The following KIAA1217 variants were observed in gnomAD, a reference collection of about 807,000 sequenced individuals.
KIAA1217 encodes the protein KIAA1217.
Under a neutral mutation model 163.9 loss-of-function variants are expected in KIAA1217, and 88 were observed. That is an observed-to-expected ratio of 0.54 (90% CI 0.45 to 0.64). The LOEUF is 0.64. KIAA1217 is among the 30% of genes least tolerant of loss of function. The probability of loss-of-function intolerance (pLI) is 0.00; values close to 1 mark genes in which losing one functional copy is unlikely to be tolerated. For synonymous variants in KIAA1217, 903 were observed against 923.1 expected (o/e 0.98, Z 0.39); for missense variants, 2,372 against 2,475.0 (o/e 0.96, Z 0.88).
rs1490776691 is a variant in KIAA1217, at chr10:24,547,116, A to T, written c.*792A>T. 1 of 87,018 alleles carries T rather than the reference A, an allele frequency of 1.1e-5. No homozygotes were observed. Among genetic ancestry groups the T allele is most frequent in the Non-Finnish European group, 2.4e-5 (1 of 42,382 alleles). 5.4% of individuals were successfully genotyped at this position (87,018 alleles called of 1,614,324 possible). On this transcript the variant is annotated 3_prime_UTR_variant, in exon 21 of 21. Transcript: ENST00000376454. ...ATTCTCTAGTTGTTTTCTTTGGCGT[A>T]TCTAACCCCTTCTTTTGTTTTCTGA...
intron 2 of KIAA1217, among the ~76,000 whole-genome samples, chr10:24,106,642 G>A (rs7069430): frequency 0.99 from 150,151 of 152,236 alleles, 74,047 homozygotes; most frequent in Middle Eastern, 1. Context: ...GCTGAATGAC[G>A]TGCCAGGAAT....
intron 1 of KIAA1217, among the ~76,000 whole-genome samples, chr10:23,720,576 A>G (rs982469785): frequency 5.9e-5 from 9 of 152,136 alleles, no homozygotes; most frequent in Non-Finnish European, 1.3e-4. Flanking sequence ...GGGGACTGGG[A>G]GGTACAGCCT....
At chr10:23,884,301 T>C (rs1407915402) in intron 1 of KIAA1217, among the ~76,000 whole-genome samples, 1 of 151,942 alleles carries the variant, frequency 6.6e-6, no homozygotes, top group Non-Finnish European at 1.5e-5. Context: ...ATTTTGGCCA[T>C]TCTAATACGA....
intron 2 of KIAA1217, among the ~76,000 whole-genome samples, chr10:24,067,364 C>A (rs916375889): frequency 1.3e-5 from 2 of 152,206 alleles, no homozygotes; most frequent in Non-Finnish European, 2.9e-5. Flanking sequence ...TTCTAACAGA[C>A]AGGACCCTCA....
At position 24,202,186 on chromosome 10, in the gene KIAA1217, G is replaced by T. The variant is rs560067085; in HGVS notation, c.-170-17440G>T. Among the ~76,000 whole-genome samples, 176 of 152,336 alleles carry T rather than the reference G, an allele frequency of 1.2e-3. 1 individual carries two copies. The highest frequency in any genetic ancestry group is 2.1e-3 in the Non-Finnish European group (142 of 68,028). ...TGGCCATCACTCAACCGGAGGCTGA[G>T]AACTGATGAAAAAGTGGAACAAAAA... On this transcript the variant is annotated intron_variant, in intron 2 of 18. Transcript: ENST00000376462.
At chr10:24,084,363 C>G (rs181648221) in intron 2 of KIAA1217, among the ~76,000 whole-genome samples, 6 of 152,294 alleles carry the variant, frequency 3.9e-5, no homozygotes, top group Admixed American at 1.3e-4. Flanking sequence ...TCCTCAGTAG[C>G]CAGAAAGGTA....
chr10:23,870,405 A>G (rs1249088925), intron 1 of KIAA1217, among the ~76,000 whole-genome samples: 2 of 152,068 alleles, frequency 1.3e-5, no homozygotes, highest in Non-Finnish European at 2.9e-5. Context: ...GCCTCTAGGC[A>G]TCTTAACAAA....
At chr10:23,767,570 A>AT (rs199588536) in intron 1 of KIAA1217, among the ~76,000 whole-genome samples, 417 of 152,026 alleles carry the variant, frequency 2.7e-3, no homozygotes, top group African/African-American at 7.6e-3. Context: ...AGCCCATCTC[A>AT]TTTTTTTTAA....
At chr10:23,755,802 C>T (rs1330152242) in intron 1 of KIAA1217, among the ~76,000 whole-genome samples, 2 of 152,138 alleles carry the variant, frequency 1.3e-5, no homozygotes, top group African/African-American at 4.8e-5. Flanking sequence ...AAGTAAGCAT[C>T]TATGCCTCAT....
intron 2 of KIAA1217, among the ~76,000 whole-genome samples, chr10:24,184,968 A>G (rs1451873897): frequency 1.3e-5 from 2 of 152,236 alleles, no homozygotes; most frequent in African/African-American, 2.4e-5. Flanking sequence ...GGTATGTGTG[A>G]CATTTATAAA....
chr10:23,756,617 A>G (rs1246022310), intron 1 of KIAA1217, among the ~76,000 whole-genome samples: 2 of 152,220 alleles, frequency 1.3e-5, no homozygotes, highest in African/African-American at 2.4e-5. Context: ...AAGGGACGAT[A>G]GTTTTATTAA....
At chr10:23,914,995 C>G (rs1237250822) in intron 1 of KIAA1217, among the ~76,000 whole-genome samples, 1 of 151,158 alleles carries the variant, frequency 6.6e-6, no homozygotes, top group Non-Finnish European at 1.5e-5. Flanking sequence ...TGCAGGAATG[C>G]CTAGAGTGAG....
chr10:23,812,428 C>A lies in KIAA1217; in HGVS notation c.-321+117194C>A, dbSNP rs1174513830. Among the ~76,000 whole-genome samples, 4 of 152,020 alleles carry A rather than the reference C, an allele frequency of 2.6e-5. No homozygotes were observed. In the East Asian group the frequency reaches 5.8e-4, roughly 22 times the overall value. On this transcript the variant is annotated intron_variant, in intron 1 of 18. Transcript: ENST00000376462. ...ATCTTTGATTGTATTTGGCACAGGC[C>A]ATAGTAGGAGCTTGGAATAGGGTTA...
At chr10:24,044,477 T>G (rs779520847) in intron 2 of KIAA1217, among the ~76,000 whole-genome samples, 1 of 152,162 alleles carries the variant, frequency 6.6e-6, no homozygotes, top group African/African-American at 2.4e-5. Context: ...TGTAATTTGT[T>G]AAATGAGGGC....
At chr10:24,109,109 G>T (rs999997102) in intron 2 of KIAA1217, among the ~76,000 whole-genome samples, 1 of 152,158 alleles carries the variant, frequency 6.6e-6, no homozygotes, top group Non-Finnish European at 1.5e-5. Flanking sequence ...GGTATTACAG[G>T]CATGAGCTAC....
chr10:24,132,580 C>T (rs953955421), intron 2 of KIAA1217, among the ~76,000 whole-genome samples: 2 of 151,488 alleles, frequency 1.3e-5, no homozygotes, highest in Non-Finnish European at 2.9e-5. Context: ...AGCTGTGCAC[C>T]GGGATGTTAA....
At chr10:24,238,711 G>C (rs1261856959) in intron 2 of KIAA1217, among the ~76,000 whole-genome samples, 1 of 152,138 alleles carries the variant, frequency 6.6e-6, no homozygotes, top group Non-Finnish European at 1.5e-5. Flanking sequence ...GAGTGGAAAA[G>C]AAGTATCAAT....
chr10:23,825,289 C>T (rs1035612704), intron 1 of KIAA1217, among the ~76,000 whole-genome samples: 8 of 152,192 alleles, frequency 5.3e-5, no homozygotes, highest in Non-Finnish European at 1.0e-4. Flanking sequence ...AATGAACGCT[C>T]ATTATCTCTT....
chr10:24,477,035 C>T (rs2064126536), intron 6 of KIAA1217, among the ~76,000 whole-genome samples: 1 of 152,158 alleles, frequency 6.6e-6, no homozygotes, highest in Non-Finnish European at 1.5e-5. Flanking sequence ...GAACTTTTGC[C>T]CTCAGCACTC....
Sources: allele counts gnomAD v4.1 joint callset (sites outside exome capture counted in the v4.1 genomes callset), GRCh38; gene constraint gnomAD v4.1.1; transcripts MANE v1.5; gene names NCBI Gene and HGNC (gene_info 2026-07-23, HGNC 2026-07-21).